Variants in ZNF133 observed in about 807,000 individuals in gnomAD.
ZNF133 encodes zinc finger protein 133 (clone pHZ-13).
Under a neutral mutation model 54.9 loss-of-function variants are expected in ZNF133, and 26 were observed. The observed-to-expected ratio is 0.47, with a 90% CI of 0.35 to 0.66. The LOEUF is 0.66. Among genes scored for constraint, ZNF133 ranks in the 30% least tolerant of loss-of-function variants. ZNF133 has a pLI of 0.01. For synonymous variants in ZNF133, 298 were observed against 320.3 expected, an observed-to-expected ratio of 0.93 and a Z score of 0.74; for missense variants, 653 against 820.8, an observed-to-expected ratio of 0.80 and a Z score of 2.50.
At position 18,305,292 on chromosome 20, in the gene ZNF133, C is replaced by T. The variant is rs79095491; in HGVS notation, c.-7+114C>T. ...ACCATCAGGCCCGAGAAAGCCAAGC[C>T]GTAGGATTTTGAGGAATTACTGAGT... On this transcript the variant is annotated intron_variant, in intron 4 of 6. Coordinates refer to ENST00000425686, the MANE Select transcript of ZNF133 (RefSeq NM_001352452.2). The surrounding 1 kb of genome is among the most constrained non-coding windows in gnomAD (Gnocchi z 4.7). 3.7e-3 allele frequency: 2,920 copies of T among 781,516 alleles called. 11 individuals are homozygous for T. Among genetic ancestry groups the T allele is most frequent in the Admixed American group, 5.7e-3 (95 of 16,578 alleles). 48.4% of individuals were successfully genotyped at this position (781,516 alleles called of 1,614,324 possible).
rs140792646 is a variant in ZNF133 at position 18,315,935 on chromosome 20, G to A, written c.1084G>A (p.Gly362Ser). 1 of 1,613,810 alleles carries A rather than the reference G, an allele frequency of 6.2e-7. No individual in the cohort carries two copies. Among genetic ancestry groups the A allele is most frequent in the East Asian group, 2.2e-5 (1 of 44,840 alleles). The change falls in exon 7 of 7, where the codon GGC becomes AGC. Residue 362 changes from glycine (G) to serine (S), a missense_variant. Gly to Ser is a moderately conservative substitution (Grantham distance 56). This residue lies in a region of ZNF133 where 292 missense variants were observed against 431.6 expected (regional missense o/e 0.68). Transcript: ENST00000425686. ...CATCGTGTGCAGTGACTGTGGCCTGGGCTTCAGCGACAGGTCAAACCTCAT... is the reference window on the plus strand; with the variant it reads ...CATCGTGTGCAGTGACTGTGGCCTGAGCTTCAGCGACAGGTCAAACCTCAT... ...KTIVCSDCGL[G>S]FSDRSNLISH...
intron 1 of ZNF133, among the ~76,000 whole-genome samples, chr20:18,296,635 T>C (rs897606542): frequency 2.6e-5 from 4 of 152,232 alleles, no homozygotes; most frequent in East Asian, 1.9e-4. Context: ...TTCCATTGTA[T>C]GTACGTATCA....
chr20:18,305,791 C>T lies in ZNF133; in HGVS notation c.105C>T (p.Ser35=), dbSNP rs755345515. 22 of 1,613,516 alleles carry T rather than the reference C, an allele frequency of 1.4e-5. No homozygotes were observed. The highest frequency in any genetic ancestry group is 3.3e-4 in the Middle Eastern group (2 of 6,076). The change falls in exon 5 of 7, where the codon AGC becomes AGT. Residue 35 remains serine, a synonymous_variant. Coordinates refer to ENST00000425686, the MANE Select transcript of ZNF133 (RefSeq NM_001352452.2). The surrounding 1 kb of genome is among the most constrained non-coding windows in gnomAD (Gnocchi z 4.7). ...LYREVMLENY[S]NLVSLGISFS... ...GAGAGGTGATGCTGGAGAACTACAG[C>T]AACCTGGTCTCACTGGGTAAGCCTG...
intron 1 of ZNF133, among the ~76,000 whole-genome samples, chr20:18,297,081 T>C (rs1315552852): frequency 6.6e-6 from 1 of 152,202 alleles, no homozygotes; most frequent in Non-Finnish European, 1.5e-5. Flanking sequence ...GTAATTGTTT[T>C]TAAAATGTTT....
At chr20:18,293,937 T>A (rs2263696) in intron 1 of ZNF133, among the ~76,000 whole-genome samples, 149,917 of 152,370 alleles carry the variant, frequency 0.98, 73,759 homozygotes, top group East Asian at 1. Flanking sequence ...GAAAAAGAAC[T>A]TTGTCATTTG....
At chr20:18,292,539 C>T (rs968644663) in intron 1 of ZNF133, among the ~76,000 whole-genome samples, 2 of 152,168 alleles carry the variant, frequency 1.3e-5, no homozygotes, top group Non-Finnish European at 2.9e-5. Flanking sequence ...GATTTTTACT[C>T]AGTCACCTCA....
intron 6 of ZNF133, among the ~76,000 whole-genome samples, chr20:18,310,005 A>G (rs1210675468): frequency 6.6e-6 from 1 of 152,226 alleles, no homozygotes; most frequent in Admixed American, 6.5e-5. Context: ...GGAAAATGCT[A>G]TACACCCTGA....
Position 18,314,908 on chromosome 20 carries a change from G to T in ZNF133, c.218-161G>T, listed in dbSNP as rs1004681085. 49 of 605,260 alleles carry T rather than the reference G, an allele frequency of 8.1e-5. No homozygotes were observed. The South Asian group carries it at 1.4e-3, about 17-fold the overall frequency. 37.5% of individuals were successfully genotyped at this position (605,260 alleles called of 1,614,324 possible). On this transcript the variant is annotated intron_variant, in intron 6 of 6. Coordinates refer to ENST00000425686, the MANE Select transcript of ZNF133 (RefSeq NM_001352452.2). Reference sequence around the variant, plus strand: ...GGTTTTCTAGATTGTAATGCTAGACGTAATAAGTAGCAGTAGGCTGGAGAG... The same window carrying T: ...GGTTTTCTAGATTGTAATGCTAGACTTAATAAGTAGCAGTAGGCTGGAGAG...
rs778651947 is a variant in ZNF133 at position 18,305,641 on chromosome 20, G to A, written c.-6-40G>A. The A allele has an allele frequency of 3.7e-6, 6 of 1,613,704 alleles. No homozygotes were observed. The South Asian group carries it at 4.4e-5, about 12-fold the overall frequency. Reference sequence around the variant, plus strand: ...TGCCCCTCACCCTGCCATGGGCAAGGCTGGCTTCTGAGTGAGCAGGGCTCA... The same window carrying A: ...TGCCCCTCACCCTGCCATGGGCAAGACTGGCTTCTGAGTGAGCAGGGCTCA... On this transcript the variant is annotated intron_variant, in intron 4 of 6. Coordinates refer to ENST00000425686, the MANE Select transcript of ZNF133 (RefSeq NM_001352452.2). The surrounding 1 kb of genome is among the most constrained non-coding windows in gnomAD (Gnocchi z 4.7).
At position 18,305,008 on chromosome 20, in the gene ZNF133, T is replaced by C; in HGVS notation, c.-177T>C. ...AACCCCTTTCTAATCTCTATTCCAG[T>C]GTGTCCTCCATTTGGAAGTAGTGCT... On this transcript the variant is annotated splice_region_variant and 5_prime_UTR_variant, in exon 4 of 7. Transcript: ENST00000425686. This position sits in a 1 kb window ranked among gnomAD's most constrained non-coding sequence, Gnocchi z 4.7. 1.0e-6 allele frequency: 1 copy of C among 985,418 alleles called. No homozygotes were observed. The highest frequency in any genetic ancestry group is 1.7e-5 in the African/African-American group (1 of 57,328). 61.0% of individuals were successfully genotyped at this position (985,418 alleles called of 1,614,324 possible). A position where few individuals can be genotyped will look rare whatever the true frequency, so the allele number is the denominator to read the frequency against.
chr20:18,306,188 A>G (rs2044546097), intron 5 of ZNF133, 110 bp from the exon 6 acceptor site: 5 of 1,027,094 alleles, frequency 4.9e-6, no homozygotes, highest in Admixed American at 2.5e-5. Context: ...ACCTCTTCCA[A>G]CTCAGGGCTT....
chr20:18,304,870 CATA>C, intron 3 of ZNF133, 135 bp from the exon 4 acceptor site: 1 of 525,680 alleles, frequency 1.9e-6, no homozygotes, highest in Non-Finnish European at 2.4e-6. Flanking sequence ...TTCCTTTGCT[CATA>C]ATGTCCTTGT....
At chr20:18,315,014 T>C (rs1367137594) in intron 6 of ZNF133, 55 bp from the exon 7 acceptor site, 2 of 1,498,006 alleles carry the variant, frequency 1.3e-6, no homozygotes, top group Non-Finnish European at 1.8e-6. Flanking sequence ...ACTAAGCTGA[T>C]TGCTCAGGCT....
At chr20:18,308,142 A>G (rs2045071707) in intron 6 of ZNF133, among the ~76,000 whole-genome samples, 1 of 152,148 alleles carries the variant, frequency 6.6e-6, no homozygotes, top group Non-Finnish European at 1.5e-5. Context: ...TTTTCATCCT[A>G]CTTTGCATTA....
chr20:18,314,694 A>G (rs1267745412), intron 6 of ZNF133: 3 of 173,846 alleles, frequency 1.7e-5, no homozygotes, highest in Non-Finnish European at 2.4e-5. Context: ...TCCTAGGGTT[A>G]GACATCTTTC....
At chr20:18,314,897 T>C in intron 6 of ZNF133, 172 bp from the exon 7 acceptor site, 1 of 572,414 alleles carries the variant, frequency 1.7e-6, no homozygotes, top group Non-Finnish European at 2.9e-6. Context: ...TTCTAGATTG[T>C]AATGCTAGAC....
Position 18,315,468 on chromosome 20 carries a change from T to C in ZNF133, c.617T>C (p.Ile206Thr), listed in dbSNP as rs775147865. Residue 206 changes from isoleucine (I) to threonine (T), a missense_variant, in exon 7 of 7, where the codon ATA (isoleucine) becomes ACA (threonine). Ile to Thr is a moderately conservative substitution (Grantham distance 89). Around this residue, in one of 4 missense-constraint regions of ZNF133, gnomAD observed 292 missense variants for 431.6 expected, o/e 0.68. Coordinates refer to ENST00000425686, the MANE Select transcript of ZNF133 (RefSeq NM_001352452.2). ...GAAACAGACAAATTGTTGAAGAGGA[T>C]AGAAGTCTTAGGATTTGGAACAGTC... ...PEETDKLLKR[I>T]EVLGFGTVNC... 9 of 1,614,140 alleles carry C rather than the reference T, an allele frequency of 5.6e-6. No individual in the cohort carries two copies. The Admixed American group carries it at 8.3e-5, about 15-fold the overall frequency.
At chr20:18,295,524 A>C (rs1157053847) in intron 1 of ZNF133, 2 of 152,186 alleles carry the variant, frequency 1.3e-5, no homozygotes, top group Admixed American at 1.3e-4. Context: ...TTTTTTGACA[A>C]AGTAGGATTT....
chr20:18,300,716 G>C (rs1326591474), intron 3 of ZNF133, among the ~76,000 whole-genome samples: 2 of 152,054 alleles, frequency 1.3e-5, no homozygotes, highest in East Asian at 3.9e-4. Flanking sequence ...AAGGTTACAA[G>C]AGATAAGGAA....
Sources: gnomAD v4.1 joint callset for allele counts (sites outside exome capture counted in the v4.1 genomes callset) on GRCh38, gnomAD v4.1.1 for gene constraint, gnomAD v4.1.1 regional missense constraint, Gnocchi (gnomAD v3.1) non-coding constraint, MANE v1.5 for transcripts, NCBI Gene and HGNC (gene_info 2026-07-23, HGNC 2026-07-21) for gene names.